NRG3: variants seen among roughly 807,000 people sequenced by gnomAD.
NRG3 encodes neuregulin 3.
NRG3 carries 31 observed loss-of-function variants against 66.9 expected under a neutral mutation model. That is an observed-to-expected ratio of 0.46 (90% CI 0.35 to 0.63). The LOEUF is 0.63. Among genes scored for constraint, NRG3 ranks in the 20% least tolerant of loss-of-function variants. The probability of loss-of-function intolerance (pLI) is 0.00; values close to 1 mark genes in which losing one functional copy is unlikely to be tolerated. For missense variants in NRG3, 910 were observed against 878.9 expected, an observed-to-expected ratio of 1.04 and a Z score of -0.45; for synonymous variants, 393 against 359.4, an observed-to-expected ratio of 1.09 and a Z score of -1.06.
At chr10:81,911,238 G>A (rs187797303) in intron 1 of NRG3, among the ~76,000 whole-genome samples, 19 of 152,294 alleles carry the variant, frequency 1.2e-4, no homozygotes, top group African/African-American at 3.6e-4. Context: ...AGTTAGTCAA[G>A]TGGAGAATTC....
chr10:82,262,013 T>A (rs578218260), intron 1 of NRG3, among the ~76,000 whole-genome samples: 2 of 152,036 alleles, frequency 1.3e-5, no homozygotes, highest in Non-Finnish European at 2.9e-5. Context: ...ATGCACCTGC[T>A]CCCCCTTTGC....
intron 1 of NRG3, among the ~76,000 whole-genome samples, chr10:82,119,542 G>A (rs2067950544): frequency 6.6e-6 from 1 of 152,152 alleles, no homozygotes; most frequent in Non-Finnish European, 1.5e-5. Flanking sequence ...AAGTGTTAAA[G>A]TGAGAACTAT....
Position 82,985,509 on chromosome 10 carries a change from A to C in NRG3, c.1995A>C (p.Thr665=). The C allele has an allele frequency of 6.2e-7, 1 of 1,614,090 alleles. No homozygotes were observed. Among genetic ancestry groups the C allele is most frequent in the South Asian group, 1.1e-5 (1 of 91,084 alleles). ...CCGAGGACAGTGCAAGCGAAAACAC[A>C]GCCTTTCTCCCCCTGAGTCCCACAG... The part of the protein sequence containing the change: ...VETEDSASEN[T]AFLPLSPTAK... The change falls in exon 9 of 9, where the codon ACA becomes ACC. Residue 665 remains threonine (T), a synonymous_variant. Coordinates refer to ENST00000372141, the MANE Select transcript of NRG3 (RefSeq NM_001010848.4).
At chr10:82,345,390 T>C (rs2135434474) in intron 1 of NRG3, among the ~76,000 whole-genome samples, 1 of 151,874 alleles carries the variant, frequency 6.6e-6, no homozygotes, top group Non-Finnish European at 1.5e-5. Flanking sequence ...GTGACATTAT[T>C]TCTGAGGGCT....
At chr10:81,944,956 A>C (rs1004056980) in intron 1 of NRG3, among the ~76,000 whole-genome samples, 3 of 152,028 alleles carry the variant, frequency 2.0e-5, no homozygotes, top group Admixed American at 2.0e-4. Context: ...TCCCAGCACC[A>C]ACCATAGTTC....
intron 2 of NRG3, among the ~76,000 whole-genome samples, chr10:82,716,293 C>T (rs181141826): frequency 1.3e-5 from 2 of 152,272 alleles, no homozygotes; most frequent in East Asian, 1.9e-4. Context: ...TGTATACACA[C>T]GTATAACATA....
chr10:82,109,685 G>A (rs2067269662), intron 1 of NRG3, among the ~76,000 whole-genome samples: 1 of 151,926 alleles, frequency 6.6e-6, no homozygotes, highest in African/African-American at 2.4e-5. Context: ...CATTGTTTCT[G>A]ACTTTCTCTT....
intron 1 of NRG3, among the ~76,000 whole-genome samples, chr10:82,246,569 C>G (rs1267218711): frequency 6.6e-6 from 1 of 152,138 alleles, no homozygotes; most frequent in African/African-American, 2.4e-5. Context: ...CCAGTGAAAT[C>G]TGGGATATGC....
At chr10:82,806,726 G>A (rs1159317704) in intron 3 of NRG3, among the ~76,000 whole-genome samples, 7 of 152,176 alleles carry the variant, frequency 4.6e-5, no homozygotes, top group Admixed American at 3.3e-4. Flanking sequence ...AACCAGATAC[G>A]TAGAGAAGAT....
At chr10:82,607,737 A>G (rs959132878) in intron 2 of NRG3, among the ~76,000 whole-genome samples, 3 of 152,030 alleles carry the variant, frequency 2.0e-5, no homozygotes, top group African/African-American at 7.2e-5. Flanking sequence ...CATATTAATT[A>G]TACTTCTTTT....
At chr10:82,162,350 T>C (rs2071665365) in intron 1 of NRG3, among the ~76,000 whole-genome samples, 1 of 152,114 alleles carries the variant, frequency 6.6e-6, no homozygotes, top group Non-Finnish European at 1.5e-5. Flanking sequence ...TTATTTTACT[T>C]TTTACATTTA....
intron 7 of NRG3, among the ~76,000 whole-genome samples, chr10:82,977,598 C>CAAAA (rs766341428): frequency 3.6e-5 from 2 of 55,444 alleles, no homozygotes; most frequent in East Asian, 5.2e-4. Flanking sequence ...GACTCTGTCT[C>CAAAA]AAAAAAAAAA....
At chr10:82,532,586 GTACTATATATGTATATATGTA>G (rs1847390927) in intron 2 of NRG3, among the ~76,000 whole-genome samples, 1 of 146,328 alleles carries the variant, frequency 6.8e-6, no homozygotes, top group Admixed American at 6.9e-5. Context: ...TATGTATATA[GTACTATATATGTATATATGTA>G]TATAGTACTA....
At chr10:82,905,321 C>T (rs564267792) in intron 4 of NRG3, among the ~76,000 whole-genome samples, 2 of 152,194 alleles carry the variant, frequency 1.3e-5, no homozygotes, top group East Asian at 1.9e-4. Flanking sequence ...TCCTCCATTC[C>T]ATTTCCTAGG....
Position 81,911,603 on chromosome 10 carries a change from GTT to G in NRG3, c.823+35465_823+35466del, listed in dbSNP as rs796518872. On this transcript the variant is annotated intron_variant, in intron 1 of 8. Coordinates refer to ENST00000372141, the MANE Select transcript of NRG3 (RefSeq NM_001010848.4). ...TGTCTTCACCCTCTAGCACAGACTT[GTT>G]TTTTTTTTTTTTTTTTTTTTTTTTG... 6.7e-4 allele frequency among the ~76,000 whole-genome samples: 52 copies of G among 77,950 alleles called. 1 individual carries two copies. Among genetic ancestry groups the G allele is most frequent in the African/African-American group, 2.1e-3 (47 of 21,976 alleles). The allele number at this position is 77,950 out of a possible 152,430, so 51.1% of individuals were successfully genotyped here.
chr10:82,026,128 C>G (rs2062294136), intron 1 of NRG3, among the ~76,000 whole-genome samples: 1 of 151,864 alleles, frequency 6.6e-6, no homozygotes, highest in Admixed American at 6.6e-5. Context: ...CTAGTTTTTC[C>G]TTTCCAAAGC....
chr10:82,033,645 A>C (rs1363022520), intron 1 of NRG3, among the ~76,000 whole-genome samples: 1 of 152,154 alleles, frequency 6.6e-6, no homozygotes, highest in Non-Finnish European at 1.5e-5. Flanking sequence ...TGAATGAATC[A>C]AGTAGTGATG....
chr10:82,384,565 T>C (rs975723288), intron 2 of NRG3, among the ~76,000 whole-genome samples: 1 of 152,170 alleles, frequency 6.6e-6, no homozygotes, highest in African/African-American at 2.4e-5. Flanking sequence ...CTGCTAAGGG[T>C]AATGGCCTCC....
chr10:82,284,539 C>A (rs2079306529), intron 1 of NRG3, among the ~76,000 whole-genome samples: 1 of 152,104 alleles, frequency 6.6e-6, no homozygotes, highest in African/African-American at 2.4e-5. Context: ...ATCCATTTTC[C>A]ATTTAATTTA....
Sources: gnomAD v4.1 joint callset for allele counts (sites outside exome capture counted in the v4.1 genomes callset) on GRCh38, gnomAD v4.1.1 for gene constraint, MANE v1.5 for transcripts, NCBI Gene and HGNC (gene_info 2026-07-23, HGNC 2026-07-21) for gene names.